The following COPB2 variants were observed in gnomAD, a reference collection of about 807,000 sequenced individuals.
COPB2 encodes coatomer subunit beta'.
Under a neutral mutation model 120.8 loss-of-function variants are expected in COPB2, and 16 were observed. That is an observed-to-expected ratio of 0.13 (90% CI 0.09 to 0.20). The LOEUF is 0.20. Ranked by LOEUF, COPB2 falls within the 10% of genes least tolerant of loss-of-function variation. The pLI is 1.00. For missense variants in COPB2, 794 were observed against 1,076.5 expected (o/e 0.74, Z 3.67); for synonymous variants, 332 against 366.3 (o/e 0.91, Z 1.07).
At chr3:139,365,906 AT>A (rs1169774304) in intron 15 of COPB2, among the ~76,000 whole-genome samples, 1 of 152,246 alleles carries the variant, frequency 6.6e-6, no homozygotes, top group African/African-American at 2.4e-5. Context: ...AATTAGAACT[AT>A]TCTGAGAGAT....
At position 139,371,423 on chromosome 3, in the gene COPB2, T is replaced by G. The variant is rs147669193; in HGVS notation, c.1205+300A>C. 2.0e-5 allele frequency among the ~76,000 whole-genome samples: 3 copies of G among 152,276 alleles called. No individual in the cohort carries two copies. In the East Asian group the frequency reaches 5.8e-4, roughly 29 times the overall value. On this transcript the variant is annotated intron_variant, in intron 10 of 21. Transcript: ENST00000333188. ...GCAGACATGAGGGTCTACTGTGCCT[T>G]AAGCCCATAAAGCACCAGGTCCTGC...
Position 139,361,246 on chromosome 3 carries a change from T to G in COPB2, c.2045A>C (p.Gln682Pro). The G allele has an allele frequency of 6.2e-7, 1 of 1,614,232 alleles. No individual in the cohort carries two copies. The highest frequency in any genetic ancestry group is 8.5e-7 in the Non-Finnish European group (1 of 1,180,034). The change falls in exon 17 of 22, where the codon CAG (glutamine) becomes CCG (proline). Residue 682 changes from glutamine to proline, a missense_variant. Gln to Pro is a moderately conservative substitution (Grantham distance 76). Coordinates refer to ENST00000333188, the MANE Select transcript of COPB2 (RefSeq NM_004766.3). ...QLAELAISKC[Q>P]FGLAQECLHH... is the part of the protein sequence containing the mutation. ...CAGGCACTCCTGGGCTAGGCCAAAC[T>G]GACATTTACTAATGGCAAGTTCAGC... is the stretch of plus-strand genomic sequence containing the variant.
chr3:139,361,029 C>T, intron 17 of COPB2, 52 bp downstream of exon 17: 1 of 1,591,644 alleles, frequency 6.3e-7, no homozygotes, highest in Non-Finnish European at 8.6e-7. Flanking sequence ...ACTTCCCTCT[C>T]CAAAAACCAT....
At chr3:139,361,897 T>C in intron 16 of COPB2, among the ~76,000 whole-genome samples, 1 of 152,228 alleles carries the variant, frequency 6.6e-6, no homozygotes. Context: ...GAACAGCTCA[T>C]TTAGCTCAAA....
Position 139,378,201 on chromosome 3 carries a change from G to T in COPB2, c.356-12C>A, listed in dbSNP as rs772428169. The stretch of plus-strand genomic sequence containing the variant: ...AATAAGCATGTCATCTAGGCCAAAA[G>T]AAAGTCTCAAGTTAGTTGTAATTCT... On this transcript the variant is annotated splice_polypyrimidine_tract_variant and intron_variant, in intron 4 of 21. Transcript: ENST00000333188. 6.5e-7 allele frequency: 1 copy of T among 1,529,822 alleles called. No homozygotes were observed. Among genetic ancestry groups the T allele is most frequent in the South Asian group, 1.3e-5 (1 of 79,198 alleles). The allele number at this position is 1,529,822 out of a possible 1,614,324, so 94.8% of individuals were successfully genotyped here. A position where few individuals can be genotyped will look rare whatever the true frequency, so the allele number is the denominator to read the frequency against.
intron 9 of COPB2, 138 bp downstream of exon 9, chr3:139,373,075 T>C (rs768704620): frequency 1.3e-6 from 1 of 782,764 alleles, no homozygotes; most frequent in East Asian, 2.6e-5. Flanking sequence ...TGCAGCTGTG[T>C]TGAGGATTGT....
intron 12 of COPB2, 104 bp from the exon 13 acceptor site, chr3:139,368,392 T>C (rs1025389555): frequency 2.4e-6 from 3 of 1,231,864 alleles, no homozygotes; most frequent in African/African-American, 1.5e-5. Flanking sequence ...TATATCAAGA[T>C]GATAAGTATT....
intron 15 of COPB2, among the ~76,000 whole-genome samples, chr3:139,364,325 C>T (rs1941478725): frequency 6.6e-6 from 1 of 152,142 alleles, no homozygotes; most frequent in South Asian, 2.1e-4. Context: ...CACCTCCCCT[C>T]TCCCACCTCA....
chr3:139,357,777 T>G lies in COPB2; in HGVS notation c.*86A>C, dbSNP rs1941318180. 1 of 599,294 alleles carries G rather than the reference T, an allele frequency of 1.7e-6. No homozygotes were observed. The allele number at this position is 599,294 out of a possible 1,614,324, so 37.1% of individuals were successfully genotyped here. On this transcript the variant is annotated 3_prime_UTR_variant, in exon 22 of 22. Transcript: ENST00000333188. Reference sequence around the variant, plus strand: ...ATATAAAAATCTAAGAAGTTTCTCATAGTCCAAAGCACTGTGGTCAGGGTA... The same window carrying G: ...ATATAAAAATCTAAGAAGTTTCTCAGAGTCCAAAGCACTGTGGTCAGGGTA...
At chr3:139,365,740 C>T (rs1231809802) in intron 15 of COPB2, among the ~76,000 whole-genome samples, 1 of 151,816 alleles carries the variant, frequency 6.6e-6, no homozygotes, top group Non-Finnish European at 1.5e-5. Flanking sequence ...ACCACAGGTA[C>T]ATAGAAAATT....
chr3:139,378,385 GATAAA>G (rs1333306076), intron 4 of COPB2, among the ~76,000 whole-genome samples, 196 bp from the exon 5 acceptor site: 1 of 151,970 alleles, frequency 6.6e-6, no homozygotes, highest in Admixed American at 6.6e-5. Context: ...GAAAAGTGGA[GATAAA>G]ATAAATAAAA....
chr3:139,370,708 G>T (rs1040871569), intron 10 of COPB2, among the ~76,000 whole-genome samples: 5 of 152,170 alleles, frequency 3.3e-5, no homozygotes, highest in Admixed American at 3.3e-4. Flanking sequence ...GATGTGATGA[G>T]GGCTTTGCTC....
chr3:139,374,491 T>C lies in COPB2; in HGVS notation c.749A>G (p.Asp250Gly). 6.2e-7 allele frequency: 1 copy of C among 1,613,666 alleles called. No homozygotes were observed. The highest frequency in any genetic ancestry group is 8.5e-7 in the Non-Finnish European group (1 of 1,179,626). The change falls in exon 7 of 22, where the codon GAT (aspartate) becomes GGT (glycine). Residue 250 changes from aspartate to glycine, a missense_variant and splice_region_variant. By Grantham distance (94) the Asp-to-Gly change is moderately conservative. Transcript: ENST00000333188. ...ATAAACATACCCTTCTAACTTACCATCTTCTGAACCTGTGATAATGATTGG... is the reference window on the plus strand; with the variant it reads ...ATAAACATACCCTTCTAACTTACCACCTTCTGAACCTGTGATAATGATTGG... The part of the protein sequence containing the change: ...ELPIIITGSE[D>G]GTVRIWHSST...
intron 12 of COPB2, 117 bp from the exon 13 acceptor site, chr3:139,368,405 C>A: frequency 9.3e-7 from 1 of 1,078,308 alleles, no homozygotes. Flanking sequence ...TAAGTATTCA[C>A]TTAACAATTT....
At chr3:139,358,047 G>C (rs1002342204) in intron 21 of COPB2, 89 bp from the exon 22 acceptor site, 1 of 1,038,896 alleles carries the variant, frequency 9.6e-7, no homozygotes, top group Non-Finnish European at 1.4e-6. Flanking sequence ...TGAGAACTAA[G>C]ATTTTCTTAA....
chr3:139,359,006 G>C lies in COPB2; in HGVS notation c.2476C>G (p.Leu826Val). 1 of 1,612,340 alleles carries C rather than the reference G, an allele frequency of 6.2e-7. No individual in the cohort carries two copies. Among genetic ancestry groups the C allele is most frequent in the South Asian group, 1.1e-5 (1 of 90,700 alleles). The change falls in exon 19 of 22, where the codon CTT becomes GTT. Residue 826 changes from leucine to valine, a missense_variant. Leu to Val is a conservative substitution (Grantham distance 32). Around this residue, in one of 3 missense-constraint regions of COPB2, gnomAD observed 178 missense variants for 183.2 expected, o/e 0.97. Transcript: ENST00000333188. ...ACATCCTGGCCACTCACCGTGACAA[G>C]TGGGTATTGTTTGGCTGGCCACAGA... is the stretch of plus-strand genomic sequence containing the variant. ...ADLWPAKQYP[L>V]VTPNEERNVM...
chr3:139,387,064 A>G (rs1941938378), intron 1 of COPB2, among the ~76,000 whole-genome samples: 1 of 135,990 alleles, frequency 7.4e-6, no homozygotes, highest in Non-Finnish European at 1.7e-5. Context: ...AAAAAAAATT[A>G]GTTGGACGTG....
intron 17 of COPB2, 57 bp from the exon 18 acceptor site, chr3:139,359,419 A>G: frequency 6.7e-7 from 1 of 1,500,122 alleles, no homozygotes; most frequent in Non-Finnish European, 9.1e-7. Flanking sequence ...AATAATGGGT[A>G]CTTAACACAA....
intron 1 of COPB2, 143 bp from the exon 2 acceptor site, chr3:139,383,578 A>G: frequency 1.4e-6 from 1 of 717,778 alleles, no homozygotes; most frequent in Non-Finnish European, 2.1e-6. Context: ...AAGTCTAAGC[A>G]CTTATTTCTT....
Sources: gnomAD v4.1 joint callset for allele counts (sites outside exome capture counted in the v4.1 genomes callset) on GRCh38, gnomAD v4.1.1 for gene constraint, gnomAD v4.1.1 regional missense constraint, MANE v1.5 for transcripts, NCBI Gene and HGNC (gene_info 2026-07-23, HGNC 2026-07-21) for gene names.